The following CMIP variants were observed in gnomAD, a reference collection of about 807,000 sequenced individuals.
CMIP encodes C-Maf-inducing protein.
Under a neutral mutation model 97.3 loss-of-function variants are expected in CMIP, and 13 were observed. That is an observed-to-expected ratio of 0.13 (90% confidence interval 0.09 to 0.21). CMIP has a LOEUF of 0.21. Among genes scored for constraint, CMIP ranks in the 10% least tolerant of loss-of-function variants. The pLI, the probability that CMIP is intolerant of heterozygous loss-of-function variation, is 1.00. For missense variants in CMIP, 847 were observed against 1,024.9 expected, an observed-to-expected ratio of 0.83 and a Z score of 2.37; for synonymous variants, 538 against 436.3, an observed-to-expected ratio of 1.23 and a Z score of -2.91.
Position 81,711,183 on chromosome 16 carries a change from C to T in CMIP, c.*1384C>T, listed in dbSNP as rs1315585726. 4 of 152,472 alleles carry T rather than the reference C, an allele frequency of 2.6e-5. No homozygotes were observed. The highest frequency in any genetic ancestry group is 5.9e-5 in the Non-Finnish European group (4 of 68,046). 9.4% of individuals were successfully genotyped at this position (152,472 alleles called of 1,614,324 possible). ...CCCGTTGATGGTTTATTTGGGGTCCCCCTCTCCCCCCAGCCCTTTTTTCTG... is the reference window on the plus strand; with the variant it reads ...CCCGTTGATGGTTTATTTGGGGTCCTCCTCTCCCCCCAGCCCTTTTTTCTG... On this transcript the variant is annotated 3_prime_UTR_variant, in exon 21 of 21. Transcript: ENST00000537098.
At chr16:81,555,901 C>T (rs1237233438) in intron 1 of CMIP, among the ~76,000 whole-genome samples, 1 of 152,138 alleles carries the variant, frequency 6.6e-6, no homozygotes, top group Admixed American at 6.5e-5. Flanking sequence ...ATAATAATAC[C>T]CACCCCTGGG....
intron 1 of CMIP, among the ~76,000 whole-genome samples, chr16:81,530,380 G>A (rs917804426): frequency 6.6e-6 from 1 of 152,046 alleles, no homozygotes; most frequent in Non-Finnish European, 1.5e-5. Flanking sequence ...CTCCCGTCTC[G>A]CCTCTGTTGC....
chr16:81,653,036 C>T (rs188489463), intron 4 of CMIP, among the ~76,000 whole-genome samples: 1 of 152,270 alleles, frequency 6.6e-6, no homozygotes, highest in African/African-American at 2.4e-5. Context: ...GAGTCTGTCC[C>T]GCTGTTGGTT....
intron 1 of CMIP, among the ~76,000 whole-genome samples, chr16:81,527,131 T>C (rs1258783803): frequency 6.6e-6 from 1 of 152,204 alleles, no homozygotes; most frequent in Non-Finnish European, 1.5e-5. Flanking sequence ...CTACAGAATT[T>C]CTCAGCTCTC....
intron 1 of CMIP, among the ~76,000 whole-genome samples, chr16:81,551,291 A>G (rs558833317): frequency 4.6e-5 from 7 of 152,352 alleles, no homozygotes; most frequent in African/African-American, 1.7e-4. Context: ...CTGAGTAACC[A>G]TGGGCAACCA....
At chr16:81,460,669 G>A (rs1906847673) in intron 1 of CMIP, among the ~76,000 whole-genome samples, 1 of 152,186 alleles carries the variant, frequency 6.6e-6, no homozygotes, top group Non-Finnish European at 1.5e-5. Context: ...CCAGGACCCT[G>A]GCTGATGCAC....
intron 3 of CMIP, among the ~76,000 whole-genome samples, chr16:81,648,863 C>CCTCACTCTTT (rs1472408270): frequency 2.7e-5 from 4 of 150,718 alleles, no homozygotes; most frequent in Non-Finnish European, 5.9e-5. Context: ...TGGCCAGCTC[C>CCTCACTCTTT]CTCACTCTTT....
chr16:81,497,383 T>C (rs1288353175), intron 1 of CMIP, among the ~76,000 whole-genome samples: 1 of 152,204 alleles, frequency 6.6e-6, no homozygotes, highest in African/African-American at 2.4e-5. Context: ...TCAGTGAGGT[T>C]GAGCCACTTT....
chr16:81,556,898 G>A (rs750355005), intron 1 of CMIP, among the ~76,000 whole-genome samples: 6 of 152,226 alleles, frequency 3.9e-5, no homozygotes, highest in South Asian at 2.1e-4. Flanking sequence ...TGAGGAAAGC[G>A]TAAACTGTCC....
intron 1 of CMIP, among the ~76,000 whole-genome samples, chr16:81,540,205 C>T (rs765683278): frequency 1.3e-5 from 2 of 152,210 alleles, no homozygotes; most frequent in African/African-American, 4.8e-5. Flanking sequence ...CATCGCTGGC[C>T]TTTTTGTGTC....
intron 1 of CMIP, chr16:81,476,477 C>T (rs974312480): frequency 2.7e-5 from 21 of 771,154 alleles, no homozygotes; most frequent in Non-Finnish European, 3.9e-5. Flanking sequence ...CCCAAGGGCT[C>T]GCCGTTGACA....
rs1478002420 is a variant in CMIP, at chr16:81,453,655, C to T, written c.300+8114C>T. 6.6e-6 allele frequency among the ~76,000 whole-genome samples: 1 copy of T among 152,230 alleles called. No individual in the cohort carries two copies. Among genetic ancestry groups the T allele is most frequent in the Non-Finnish European group, 1.5e-5 (1 of 68,040 alleles). ...GGGTATGGAAGGGGCTGTGTGTTCC[C>T]CAGGCAGGCTAGCTGCCGTAACACG... On this transcript the variant is annotated intron_variant, in intron 1 of 20. Coordinates refer to ENST00000537098, the MANE Select transcript of CMIP (RefSeq NM_198390.3). This position sits in a 1 kb window ranked among gnomAD's most constrained non-coding sequence, Gnocchi z 4.0.
At chr16:81,520,054 C>G (rs2089989341) in intron 1 of CMIP, 1 of 152,512 alleles carries the variant, frequency 6.6e-6, no homozygotes. Context: ...TGCGGCTGCT[C>G]TTGAGTGGCC....
At chr16:81,500,908 C>T (rs555366676) in intron 1 of CMIP, among the ~76,000 whole-genome samples, 3 of 152,290 alleles carry the variant, frequency 2.0e-5, no homozygotes, top group African/African-American at 4.8e-5. Context: ...TCTTTGAAGT[C>T]CTCACGAGTT....
intron 4 of CMIP, among the ~76,000 whole-genome samples, chr16:81,653,671 A>C (rs1175901122): frequency 6.6e-6 from 1 of 152,200 alleles, no homozygotes; most frequent in Non-Finnish European, 1.5e-5. Context: ...TCTGGAGTGC[A>C]GTGGCGTGAC....
chr16:81,600,380 G>A (rs1567603269), intron 1 of CMIP, among the ~76,000 whole-genome samples: 2 of 152,002 alleles, frequency 1.3e-5, no homozygotes, highest in Admixed American at 1.3e-4. Context: ...TAAACATGTG[G>A]CCTGCCCATA....
intron 1 of CMIP, among the ~76,000 whole-genome samples, chr16:81,498,235 A>T (rs773141603): frequency 6.6e-6 from 1 of 152,198 alleles, no homozygotes; most frequent in Non-Finnish European, 1.5e-5. Context: ...CAATGAAATG[A>T]TGGATGTGGA....
rs538340429 is a variant in CMIP, at chr16:81,687,905, G to C, written c.1389-3870G>C. Among the ~76,000 whole-genome samples the C allele has an allele frequency of 2.6e-5, 4 of 152,318 alleles. No homozygotes were observed. The South Asian group carries it at 8.3e-4, about 32-fold the overall frequency. ...GGCTGTATCACAGCCCTGTGGTCAC[G>C]GTCAGTGAATTGCCATACTGCTCCT... On this transcript the variant is annotated intron_variant, in intron 10 of 20. Coordinates refer to ENST00000537098, the MANE Select transcript of CMIP (RefSeq NM_198390.3).
intron 1 of CMIP, among the ~76,000 whole-genome samples, chr16:81,524,250 T>C (rs1429239038): frequency 6.6e-6 from 1 of 152,228 alleles, no homozygotes; most frequent in Admixed American, 6.5e-5. Flanking sequence ...AGCAAGTGTT[T>C]ATTGAGCACC....
Sources: gnomAD v4.1 joint callset for allele counts (sites outside exome capture counted in the v4.1 genomes callset) on GRCh38, gnomAD v4.1.1 for gene constraint, Gnocchi (gnomAD v3.1) non-coding constraint, MANE v1.5 for transcripts, NCBI Gene and HGNC (gene_info 2026-07-23, HGNC 2026-07-21) for gene names.